The following PTPRD variants were observed in gnomAD, a reference collection of about 807,000 sequenced individuals.
The protein encoded by PTPRD is protein tyrosine phosphatase receptor type D.
A neutral mutation model predicts 214.5 loss-of-function variants in PTPRD; 34 were observed. The observed-to-expected ratio is 0.16, with a 90% CI of 0.12 to 0.21. The LOEUF is 0.21. PTPRD is among the 10% of genes least tolerant of loss of function. The pLI is 1.00. For missense variants in PTPRD, 2,545 were observed against 2,398.7 expected (o/e 1.06, Z -1.27); for synonymous variants, 1,128 against 845.7 (o/e 1.33, Z -5.79).
chr9:10,141,670 T>C (rs1340793643), intron 3 of PTPRD, among the ~76,000 whole-genome samples: 5 of 152,070 alleles, frequency 3.3e-5, no homozygotes, highest in East Asian at 3.9e-4. Context: ...AAAATGGCCA[T>C]ACTGCCCAAG....
chr9:9,653,081 G>A lies in PTPRD; in HGVS notation c.-286-78300C>T, dbSNP rs928274538. ...CTCATGGCCGGGCGCGGTGGCTCAC[G>A]CCTGTAATCCCAGCACTTTGGGAGG... On this transcript the variant is annotated intron_variant, in intron 7 of 45. Coordinates refer to ENST00000381196, the MANE Select transcript of PTPRD (RefSeq NM_002839.4). Among the ~76,000 whole-genome samples the A allele has an allele frequency of 3.3e-5, 5 of 149,430 alleles. 1 individual carries two copies. Among genetic ancestry groups the A allele is most frequent in the Admixed American group, 3.3e-4 (5 of 15,178 alleles).
intron 11 of PTPRD, among the ~76,000 whole-genome samples, chr9:8,915,535 G>T (rs922151378): frequency 1.3e-5 from 2 of 152,032 alleles, no homozygotes; most frequent in African/African-American, 4.8e-5. Context: ...ATATTTACAA[G>T]TATACACACA....
chr9:10,463,234 T>C (rs1487865776), intron 2 of PTPRD, among the ~76,000 whole-genome samples: 1 of 152,110 alleles, frequency 6.6e-6, no homozygotes, highest in East Asian at 1.9e-4. Context: ...GATTACAAGC[T>C]TTTTGTTGTT....
At chr9:9,868,862 A>G (rs2064704386) in intron 5 of PTPRD, among the ~76,000 whole-genome samples, 1 of 152,156 alleles carries the variant, frequency 6.6e-6, no homozygotes, top group Non-Finnish European at 1.5e-5. Flanking sequence ...AGAAACTTCT[A>G]CAAACTCCTA....
chr9:8,656,299 C>A (rs952395175), intron 12 of PTPRD, among the ~76,000 whole-genome samples: 1 of 152,152 alleles, frequency 6.6e-6, no homozygotes, highest in African/African-American at 2.4e-5. Context: ...TAAGACTATT[C>A]CATTATTCAA....
intron 8 of PTPRD, among the ~76,000 whole-genome samples, chr9:9,445,529 A>C (rs2090082633): frequency 6.6e-6 from 1 of 152,108 alleles, no homozygotes; most frequent in African/African-American, 2.4e-5. Context: ...GGCTGGGAAG[A>C]CCTCAGGAAA....
At chr9:9,879,007 C>G (rs981228931) in intron 5 of PTPRD, among the ~76,000 whole-genome samples, 1 of 152,060 alleles carries the variant, frequency 6.6e-6, no homozygotes, top group Non-Finnish European at 1.5e-5. Flanking sequence ...TCTATGTGCC[C>G]TCAAAATAGA....
intron 7 of PTPRD, among the ~76,000 whole-genome samples, chr9:9,667,144 T>C (rs889912769): frequency 3.3e-5 from 5 of 152,082 alleles, no homozygotes; most frequent in African/African-American, 4.8e-5. Context: ...CTTTGTTTAT[T>C]ACTGATTACT....
rs567158239 is a variant in PTPRD, at chr9:8,437,388, T to A, written c.3989-699A>T. ...TCACTATACATTGTGGCTAGTACAATGTGACTACTACATTAAGATCGCTAA... is the reference window on the plus strand; with the variant it reads ...TCACTATACATTGTGGCTAGTACAAAGTGACTACTACATTAAGATCGCTAA... On this transcript the variant is annotated intron_variant, in intron 34 of 45. Transcript: ENST00000381196. 25 of 590,080 alleles carry A rather than the reference T, an allele frequency of 4.2e-5. No individual in the cohort carries two copies. The South Asian group carries it at 5.5e-4, about 13-fold the overall frequency. 36.6% of individuals were successfully genotyped at this position (590,080 alleles called of 1,614,324 possible).
At chr9:8,802,112 A>C (rs775200202) in intron 11 of PTPRD, among the ~76,000 whole-genome samples, 3 of 152,188 alleles carry the variant, frequency 2.0e-5, no homozygotes, top group Non-Finnish European at 4.4e-5. Flanking sequence ...TATACTCTTT[A>C]AATGTAGGCT....
intron 3 of PTPRD, among the ~76,000 whole-genome samples, chr9:10,106,367 G>A (rs56283869): frequency 0.053 from 7,986 of 151,912 alleles, 269 homozygotes; most frequent in Admixed American, 0.1. Flanking sequence ...TTCATTACAG[G>A]CTGAGGTTTA....
chr9:9,398,474 G>A (rs2068781119), intron 8 of PTPRD, among the ~76,000 whole-genome samples: 1 of 151,926 alleles, frequency 6.6e-6, no homozygotes, highest in Non-Finnish European at 1.5e-5. Context: ...AGCATATGGT[G>A]CACATTTTCC....
chr9:9,591,428 G>A (rs1227260999), intron 7 of PTPRD, among the ~76,000 whole-genome samples: 3 of 151,942 alleles, frequency 2.0e-5, no homozygotes, highest in Admixed American at 6.6e-5. Context: ...CTCCAGGGAG[G>A]AACACAACAC....
intron 10 of PTPRD, among the ~76,000 whole-genome samples, chr9:9,058,794 G>A (rs1031786677): frequency 1.3e-5 from 2 of 152,094 alleles, no homozygotes; most frequent in Non-Finnish European, 1.5e-5. Context: ...TAAAGTTAGA[G>A]AGGTTGTGAA....
At chr9:10,397,412 C>T (rs939541263) in intron 2 of PTPRD, among the ~76,000 whole-genome samples, 14 of 151,946 alleles carry the variant, frequency 9.2e-5, no homozygotes, top group African/African-American at 2.4e-4. Context: ...TGTTGTTGCT[C>T]TTGACAACCT....
chr9:8,446,519 C>A (rs920686055), intron 34 of PTPRD, among the ~76,000 whole-genome samples: 2 of 152,110 alleles, frequency 1.3e-5, no homozygotes, highest in Non-Finnish European at 2.9e-5. Context: ...AATCAATTTG[C>A]CTTTGGGAAC....
intron 7 of PTPRD, among the ~76,000 whole-genome samples, chr9:9,693,302 G>A (rs1289178783): frequency 6.6e-6 from 1 of 152,068 alleles, no homozygotes; most frequent in Non-Finnish European, 1.5e-5. Context: ...TTAGGGGAAT[G>A]GTTTCCCGCA....
intron 14 of PTPRD, among the ~76,000 whole-genome samples, chr9:8,546,547 G>A (rs982229382): frequency 6.6e-6 from 1 of 151,134 alleles, no homozygotes; most frequent in Non-Finnish European, 1.5e-5. Context: ...AGTCCAGGCT[G>A]GAGTGCAGTG....
intron 4 of PTPRD, among the ~76,000 whole-genome samples, chr9:10,027,461 T>G (rs927966515): frequency 2.0e-5 from 3 of 152,156 alleles, no homozygotes; most frequent in African/African-American, 7.2e-5. Context: ...GTATTTTGGG[T>G]CTGCTAAGTT....
Sources: gnomAD v4.1 joint callset for allele counts (sites outside exome capture counted in the v4.1 genomes callset) on GRCh38, gnomAD v4.1.1 for gene constraint, MANE v1.5 for transcripts, NCBI Gene and HGNC (gene_info 2026-07-23, HGNC 2026-07-21) for gene names.